DACH2: variants seen among roughly 807,000 people sequenced by gnomAD.
The protein encoded by DACH2 is dachshund family transcription factor 2, also known as dachshund homolog 2.
In DACH2, 17 loss-of-function variants were observed where a neutral mutation model predicts 35.8. That is an observed-to-expected ratio of 0.48 (90% CI 0.33 to 0.71). The LOEUF (loss-of-function observed/expected upper bound fraction) is 0.71, where lower values mean the gene tolerates loss of function less well. Among genes scored for constraint, DACH2 ranks in the 30% least tolerant of loss-of-function variants. The pLI is 0.02. For synonymous variants in DACH2, 195 were observed against 177.3 expected (o/e 1.10, Z -0.79); for missense variants, 469 against 472.7 (o/e 0.99, Z 0.07).
intron 6 of DACH2, among the ~76,000 whole-genome samples, chrX:86,724,243 T>G (rs1188146407): frequency 8.9e-6 from 1 of 112,121 alleles, no homozygotes; most frequent in Non-Finnish European, 1.9e-5. Flanking sequence ...CATGTTGTCA[T>G]TTGATTATTG....
At chrX:86,561,861 T>C (rs2039221519) in intron 3 of DACH2, among the ~76,000 whole-genome samples, 1 of 70,692 alleles carries the variant, frequency 1.4e-5, no homozygotes, top group Non-Finnish European at 2.5e-5. Flanking sequence ...GTAACTAACC[T>C]GCACATTGTG....
chrX:86,642,856 T>C (rs1231433278), intron 3 of DACH2, among the ~76,000 whole-genome samples: 1 of 111,758 alleles, frequency 8.9e-6, no homozygotes, highest in East Asian at 2.8e-4. Flanking sequence ...CCTGAAAGAT[T>C]TGTGGTAAAT....
chrX:86,243,014 T>C (rs1195774676), intron 1 of DACH2, among the ~76,000 whole-genome samples: 3 of 111,843 alleles, frequency 2.7e-5, no homozygotes, highest in African/African-American at 9.8e-5. Flanking sequence ...CAGGTAGTTC[T>C]TTATTACAGT....
At chrX:86,591,261 T>C (rs1439983143) in intron 3 of DACH2, among the ~76,000 whole-genome samples, 1 of 111,739 alleles carries the variant, frequency 8.9e-6, no homozygotes, top group Non-Finnish European at 1.9e-5. Flanking sequence ...TTTGCTATTG[T>C]GAATAGTGCC....
chrX:86,172,202 A>G (rs1326598049), intron 1 of DACH2, among the ~76,000 whole-genome samples: 1 of 112,452 alleles, frequency 8.9e-6, no homozygotes, highest in Non-Finnish European at 1.9e-5. Flanking sequence ...TTTCACATAT[A>G]CTGGCTCATT....
intron 4 of DACH2, among the ~76,000 whole-genome samples, chrX:86,662,125 T>C (rs2040611257): frequency 8.9e-6 from 1 of 112,175 alleles, no homozygotes; most frequent in Non-Finnish European, 1.9e-5. Flanking sequence ...GGGGTCATCA[T>C]AGTAGTATTG....
chrX:86,332,464 T>G (rs2035231024), intron 1 of DACH2, among the ~76,000 whole-genome samples: 1 of 111,909 alleles, frequency 8.9e-6, no homozygotes, highest in Admixed American at 9.6e-5. Context: ...CAGTCCGGTC[T>G]TTACCATTGA....
chrX:86,737,648 T>C lies in DACH2; in HGVS notation c.1105-2099T>C, dbSNP rs147443575. 5.4e-3 allele frequency among the ~76,000 whole-genome samples: 606 copies of C among 111,943 alleles called. 8 individuals are homozygous for C. The highest frequency in any genetic ancestry group is 0.019 in the African/African-American group (572 of 30,881). On this transcript the variant is annotated intron_variant, in intron 6 of 11. Transcript: ENST00000373125. ...TCTTGGAGTTCTGTAGGTCAGAAGT[T>C]GGACATGAGGTTCACTAGGCTAAAA...
chrX:86,280,098 G>A (rs1031702526), intron 1 of DACH2, among the ~76,000 whole-genome samples: 5 of 110,900 alleles, frequency 4.5e-5, no homozygotes, highest in Admixed American at 9.7e-5. Flanking sequence ...AGGAAATAGA[G>A]AGAACACCAC....
chrX:86,370,610 T>C (rs1308944407), intron 1 of DACH2, among the ~76,000 whole-genome samples: 1 of 111,448 alleles, frequency 9.0e-6, no homozygotes, highest in Non-Finnish European at 1.9e-5. Context: ...CAAACATGAA[T>C]AGCAAGACTG....
At chrX:86,498,218 A>T (rs764674797) in intron 2 of DACH2, among the ~76,000 whole-genome samples, 1,864 of 106,992 alleles carry the variant, frequency 0.017, 36 homozygotes, top group African/African-American at 0.06. Flanking sequence ...CTTTTTTTTT[A>T]AAAGAAGTAA....
chrX:86,743,759 G>C (rs1209900654), intron 7 of DACH2, among the ~76,000 whole-genome samples: 2 of 110,902 alleles, frequency 1.8e-5, no homozygotes, highest in African/African-American at 3.3e-5. Context: ...ACCCTCTGGG[G>C]CTCCAAAATG....
chrX:86,624,319 C>T (rs868169416), intron 3 of DACH2, among the ~76,000 whole-genome samples: 11 of 111,458 alleles, frequency 9.9e-5, no homozygotes, highest in African/African-American at 3.6e-4. Flanking sequence ...CCAAGCAGAT[C>T]ATATTGCTTT....
intron 3 of DACH2, among the ~76,000 whole-genome samples, chrX:86,606,967 T>A (rs1258710324): frequency 8.9e-6 from 1 of 112,190 alleles, no homozygotes; most frequent in East Asian, 2.8e-4. Context: ...TGTCTATTTT[T>A]ATAGTTCTTG....
intron 1 of DACH2, among the ~76,000 whole-genome samples, chrX:86,359,592 T>G (rs1168024224): frequency 9.1e-6 from 1 of 110,426 alleles, no homozygotes; most frequent in Non-Finnish European, 1.9e-5. Flanking sequence ...TACCAACAAT[T>G]TTTAAAATTA....
At chrX:86,691,892 G>T (rs1255101391) in intron 4 of DACH2, among the ~76,000 whole-genome samples, 1 of 111,946 alleles carries the variant, frequency 8.9e-6, no homozygotes, top group Non-Finnish European at 1.9e-5. Flanking sequence ...ATAAAAGGCT[G>T]ACTGTAGCTT....
At chrX:86,586,129 A>T (rs2039567213) in intron 3 of DACH2, among the ~76,000 whole-genome samples, 1 of 111,199 alleles carries the variant, frequency 9.0e-6, no homozygotes, top group Non-Finnish European at 1.9e-5. Flanking sequence ...ATGGTATCTC[A>T]TTGTGGTTTT....
At chrX:86,320,807 G>C (rs1353411977) in intron 1 of DACH2, among the ~76,000 whole-genome samples, 1 of 112,046 alleles carries the variant, frequency 8.9e-6, no homozygotes, top group Admixed American at 9.5e-5. Flanking sequence ...GAGACTGAAT[G>C]CTTTCCCAAC....
At chrX:86,774,615 A>G (rs2042014236) in intron 7 of DACH2, among the ~76,000 whole-genome samples, 1 of 112,000 alleles carries the variant, frequency 8.9e-6, no homozygotes, top group Non-Finnish European at 1.9e-5. Flanking sequence ...TAATAAAGAC[A>G]ATCAATGGCA....
Sources: gnomAD v4.1 joint callset for allele counts (sites outside exome capture counted in the v4.1 genomes callset) on GRCh38, gnomAD v4.1.1 for gene constraint, MANE v1.5 for transcripts, NCBI Gene and HGNC (gene_info 2026-07-23, HGNC 2026-07-21) for gene names.